ADK: variants seen among roughly 807,000 people sequenced by gnomAD.
ADK encodes the protein adenosine kinase.
A neutral mutation model predicts 44.7 loss-of-function variants in ADK; 24 were observed. That is an observed-to-expected ratio of 0.54 (90% confidence interval 0.39 to 0.76). The LOEUF (loss-of-function observed/expected upper bound fraction) is 0.76. ADK is among the 30% of genes least tolerant of loss of function. ADK has a pLI of 0.00. For missense variants in ADK, 321 were observed against 425.1 expected (o/e 0.76, Z 2.15); for synonymous variants, 128 against 142.6 (o/e 0.90, Z 0.73).
intron 8 of ADK, 50 bp downstream of exon 8, chr10:74,589,367 A>G (rs1175700058): frequency 1.2e-5 from 19 of 1,584,666 alleles, no homozygotes; most frequent in Non-Finnish European, 1.5e-5. Flanking sequence ...GGTTTTTTCT[A>G]GCTGATAATG....
intron 6 of ADK, among the ~76,000 whole-genome samples, chr10:74,418,731 G>A (rs956663294): frequency 1.3e-5 from 2 of 152,142 alleles, no homozygotes; most frequent in Non-Finnish European, 2.9e-5. Context: ...CTGCAGACTT[G>A]TTTTTCTAAG....
intron 7 of ADK, among the ~76,000 whole-genome samples, chr10:74,540,155 TAAAA>T (rs1175271811): frequency 6.6e-6 from 1 of 151,906 alleles, no homozygotes; most frequent in Non-Finnish European, 1.5e-5. Context: ...TTTTAAAAAT[TAAAA>T]AAAATTATTA....
intron 4 of ADK, chr10:74,372,010 T>C (rs1218297587): frequency 1.3e-6 from 1 of 782,808 alleles, no homozygotes; most frequent in African/African-American, 1.7e-5. Flanking sequence ...TTTGTGGACA[T>C]TGCCATTCTA....
At chr10:74,490,127 C>A (rs2133389291) in intron 6 of ADK, among the ~76,000 whole-genome samples, 1 of 151,984 alleles carries the variant, frequency 6.6e-6, no homozygotes, top group Non-Finnish European at 1.5e-5. Flanking sequence ...TTCTTTCTTC[C>A]CAAATCCATG....
chr10:74,612,106 CT>C (rs1852573160), intron 9 of ADK, among the ~76,000 whole-genome samples: 1 of 152,036 alleles, frequency 6.6e-6, no homozygotes, highest in South Asian at 2.1e-4. Flanking sequence ...TATGTGTTTC[CT>C]TTTCTCTGTA....
chr10:74,649,398 G>C (rs2134124716), intron 9 of ADK, among the ~76,000 whole-genome samples: 1 of 152,178 alleles, frequency 6.6e-6, no homozygotes, highest in South Asian at 2.1e-4. Context: ...GGCCAAGGTG[G>C]GAGGATCACT....
intron 6 of ADK, among the ~76,000 whole-genome samples, chr10:74,484,967 A>G (rs774836247): frequency 1.3e-5 from 2 of 152,116 alleles, no homozygotes; most frequent in South Asian, 2.1e-4. Flanking sequence ...GAATATCTGT[A>G]TGATCTCGGG....
At chr10:74,645,539 G>T (rs1259600692) in intron 9 of ADK, among the ~76,000 whole-genome samples, 1 of 152,158 alleles carries the variant, frequency 6.6e-6, no homozygotes, top group Non-Finnish European at 1.5e-5. Flanking sequence ...GTGTCAAAAA[G>T]CTGCAAGTGC....
At chr10:74,313,855 T>C (rs570057200) in intron 3 of ADK, among the ~76,000 whole-genome samples, 1 of 152,116 alleles carries the variant, frequency 6.6e-6, no homozygotes, top group African/African-American at 2.4e-5. Flanking sequence ...ATTTTCTATC[T>C]ACTTTTTTGG....
At chr10:74,282,578 TA>T (rs1846983160) in intron 3 of ADK, among the ~76,000 whole-genome samples, 1 of 152,236 alleles carries the variant, frequency 6.6e-6, no homozygotes, top group Non-Finnish European at 1.5e-5. Flanking sequence ...ACTACTTTAA[TA>T]AGAAATTGTT....
intron 9 of ADK, among the ~76,000 whole-genome samples, chr10:74,637,977 A>C (rs982684996): frequency 1.8e-4 from 28 of 152,232 alleles, no homozygotes. Context: ...GCTTCGATAA[A>C]GATGTTAGCA....
At chr10:74,481,278 TCTGTGCTACTA>T (rs1250947821) in intron 6 of ADK, among the ~76,000 whole-genome samples, 1 of 152,218 alleles carries the variant, frequency 6.6e-6, no homozygotes, top group Admixed American at 6.5e-5. Flanking sequence ...GAACTGTTTT[TCTGTGCTACTA>T]CTTTGTTACT....
intron 7 of ADK, among the ~76,000 whole-genome samples, chr10:74,527,378 A>AC (rs1564774241): frequency 6.7e-6 from 1 of 150,344 alleles, no homozygotes; most frequent in African/African-American, 2.5e-5. Context: ...CAAACAAAAA[A>AC]AAAAAAACAT....
intron 4 of ADK, among the ~76,000 whole-genome samples, chr10:74,369,349 A>T (rs943353710): frequency 3.3e-5 from 5 of 152,208 alleles, no homozygotes; most frequent in Admixed American, 6.5e-5. Flanking sequence ...GAGCAGTACC[A>T]CAAAAAGAGT....
At chr10:74,526,386 C>T (rs1292754472) in intron 7 of ADK, among the ~76,000 whole-genome samples, 2 of 151,828 alleles carry the variant, frequency 1.3e-5, no homozygotes, top group African/African-American at 4.8e-5. Flanking sequence ...CTGTTTATAC[C>T]TCTTTAAAAA....
At chr10:74,411,448 G>C (rs1844173677) in intron 6 of ADK, among the ~76,000 whole-genome samples, 1 of 152,122 alleles carries the variant, frequency 6.6e-6, no homozygotes, top group African/African-American at 2.4e-5. Flanking sequence ...GAATATTTTG[G>C]TTTCTGAATT....
intron 10 of ADK, among the ~76,000 whole-genome samples, chr10:74,678,488 C>T (rs1443459754): frequency 6.6e-6 from 1 of 152,144 alleles, no homozygotes; most frequent in Non-Finnish European, 1.5e-5. Flanking sequence ...CAAATGTTCC[C>T]TCAAAGACCT....
intron 8 of ADK, among the ~76,000 whole-genome samples, chr10:74,599,348 T>A (rs138228955): frequency 6.6e-6 from 1 of 152,362 alleles, no homozygotes; most frequent in African/African-American, 2.4e-5. Context: ...TGCCAGTTTC[T>A]GGTGACGTTT....
intron 8 of ADK, among the ~76,000 whole-genome samples, chr10:74,597,556 T>G (rs1181591356): frequency 6.6e-6 from 1 of 152,210 alleles, no homozygotes; most frequent in African/African-American, 2.4e-5. Flanking sequence ...ACTTTATACT[T>G]TTGAAAATTA....
Sources: gnomAD v4.1 joint callset for allele counts (sites outside exome capture counted in the v4.1 genomes callset) on GRCh38, gnomAD v4.1.1 for gene constraint, MANE v1.5 for transcripts, NCBI Gene and HGNC (gene_info 2026-07-23, HGNC 2026-07-21) for gene names.